Variants in RBFOX1 observed in about 807,000 individuals in gnomAD.
The protein encoded by RBFOX1 is RNA binding fox-1 homolog 1.
In RBFOX1, 8 loss-of-function variants were observed where a neutral mutation model predicts 57.7. The ratio of observed to expected loss-of-function variants is 0.14; its 90% CI spans 0.08 to 0.25. RBFOX1 has a LOEUF of 0.25. RBFOX1 is among the 10% of genes least tolerant of loss of function. The pLI is 1.00. For synonymous variants in RBFOX1, 326 were observed against 222.4 expected (o/e 1.47, Z -4.15); for missense variants, 611 against 548.5 (o/e 1.11, Z -1.14).
chr16:6,569,249 C>G (rs759629317), intron 2 of RBFOX1, among the ~76,000 whole-genome samples: 2 of 152,190 alleles, frequency 1.3e-5, no homozygotes, highest in African/African-American at 4.8e-5. Context: ...AAATTACTCC[C>G]AAAGTTAGCC....
chr16:6,957,396 A>G (rs1179307830), intron 3 of RBFOX1, among the ~76,000 whole-genome samples: 2 of 148,826 alleles, frequency 1.3e-5, no homozygotes, highest in Non-Finnish European at 2.9e-5. Flanking sequence ...GCTGCGACTC[A>G]CGCTCAGCCG....
intron 12 of RBFOX1, among the ~76,000 whole-genome samples, chr16:7,662,079 G>A (rs1367514645): frequency 6.6e-6 from 1 of 152,128 alleles, no homozygotes; most frequent in East Asian, 1.9e-4. Flanking sequence ...CCATATCAAA[G>A]AACCCCAACT....
At chr16:6,010,918 G>A (rs2094957567) in intron 4 of RBFOX1, among the ~76,000 whole-genome samples, 1 of 152,132 alleles carries the variant, frequency 6.6e-6, no homozygotes, top group African/African-American at 2.4e-5. Flanking sequence ...AAATGTACAA[G>A]TGGAAGCACA....
intron 4 of RBFOX1, among the ~76,000 whole-genome samples, chr16:5,890,781 C>T (rs1246326211): frequency 6.6e-6 from 1 of 151,100 alleles, no homozygotes; most frequent in African/African-American, 2.4e-5. Context: ...GCTTTAGATC[C>T]TACACCATAT....
chr16:5,744,543 G>A (rs1288886696), intron 3 of RBFOX1, among the ~76,000 whole-genome samples: 4 of 152,240 alleles, frequency 2.6e-5, no homozygotes, highest in Middle Eastern at 3.4e-3. Flanking sequence ...TTGCACTGAT[G>A]ACTTGAAATT....
intron 1 of RBFOX1, among the ~76,000 whole-genome samples, chr16:5,433,160 C>T (rs146778414): frequency 3.3e-5 from 5 of 152,270 alleles, no homozygotes; most frequent in East Asian, 3.9e-4. Context: ...TGGGATTACA[C>T]GTGTGAGCCG....
At chr16:6,228,864 A>C (rs2097436704) in intron 1 of RBFOX1, among the ~76,000 whole-genome samples, 1 of 152,230 alleles carries the variant, frequency 6.6e-6, no homozygotes, top group Non-Finnish European at 1.5e-5. Flanking sequence ...TAGCCATTCC[A>C]CATGTATACA....
intron 4 of RBFOX1, among the ~76,000 whole-genome samples, chr16:7,153,698 T>A (rs8057525): frequency 2.1e-5 from 3 of 145,380 alleles, no homozygotes; most frequent in South Asian, 4.5e-4. Context: ...TGCATTGAAC[T>A]CTAGCCTGGT....
At chr16:6,350,581 T>C (rs2086191118) in intron 2 of RBFOX1, among the ~76,000 whole-genome samples, 1 of 150,568 alleles carries the variant, frequency 6.6e-6, no homozygotes, top group Non-Finnish European at 1.5e-5. Context: ...ACTAAGGTGA[T>C]GCCTGAATGC....
chr16:6,515,088 A>G (rs2096347133), intron 2 of RBFOX1, among the ~76,000 whole-genome samples: 1 of 152,176 alleles, frequency 6.6e-6, no homozygotes, highest in African/African-American at 2.4e-5. Flanking sequence ...GAAGGAAAGG[A>G]GAGAAGGAGA....
At chr16:5,803,353 T>A (rs540055825) in intron 3 of RBFOX1, among the ~76,000 whole-genome samples, 1 of 151,996 alleles carries the variant, frequency 6.6e-6, no homozygotes, top group Non-Finnish European at 1.5e-5. Flanking sequence ...ATTGGAAGAG[T>A]GGTAGAGAGA....
chr16:6,816,038 C>T (rs2089990345), intron 3 of RBFOX1, among the ~76,000 whole-genome samples: 1 of 152,246 alleles, frequency 6.6e-6, no homozygotes, highest in Admixed American at 6.5e-5. Flanking sequence ...CGGCCAGGAG[C>T]AATGGCTCAT....
intron 4 of RBFOX1, among the ~76,000 whole-genome samples, chr16:7,359,045 C>G (rs1316528616): frequency 3.3e-5 from 5 of 152,152 alleles, no homozygotes; most frequent in Non-Finnish European, 2.9e-5. Context: ...TTCCTTCAAC[C>G]TTGACTCACT....
At chr16:7,163,492 C>T (rs1452572220) in intron 4 of RBFOX1, among the ~76,000 whole-genome samples, 1 of 152,122 alleles carries the variant, frequency 6.6e-6, no homozygotes, top group Non-Finnish European at 1.5e-5. Context: ...CCATTCTCTC[C>T]TTTGGTCCTT....
intron 4 of RBFOX1, among the ~76,000 whole-genome samples, chr16:7,082,620 ATCAAG>A (rs2059378579): frequency 6.6e-6 from 1 of 152,200 alleles, no homozygotes; most frequent in Non-Finnish European, 1.5e-5. Context: ...AGTTGAGTTT[ATCAAG>A]TCATTTTTCA....
At chr16:6,711,007 C>A (rs117462721) in intron 3 of RBFOX1, among the ~76,000 whole-genome samples, 1 of 152,196 alleles carries the variant, frequency 6.6e-6, no homozygotes, top group African/African-American at 2.4e-5. Context: ...TGGCACATAC[C>A]CATTGCAAGT....
At chr16:7,452,005 A>T (rs909531063) in intron 4 of RBFOX1, among the ~76,000 whole-genome samples, 6 of 152,236 alleles carry the variant, frequency 3.9e-5, no homozygotes, top group African/African-American at 1.4e-4. Context: ...TAGTACGACC[A>T]AAGAGAAAGA....
intron 2 of RBFOX1, among the ~76,000 whole-genome samples, chr16:5,500,520 C>G (rs1035371035): frequency 6.6e-6 from 1 of 152,156 alleles, no homozygotes; most frequent in African/African-American, 2.4e-5. Flanking sequence ...TCATGCCTGG[C>G]CGAGTATCAG....
At chr16:6,406,307 C>A (rs1305905175) in intron 2 of RBFOX1, among the ~76,000 whole-genome samples, 1 of 150,670 alleles carries the variant, frequency 6.6e-6, no homozygotes, top group African/African-American at 2.4e-5. Flanking sequence ...GCAGTGGTCC[C>A]TTCCTATAAT....
Sources: allele counts gnomAD v4.1 joint callset (sites outside exome capture counted in the v4.1 genomes callset), GRCh38; gene constraint gnomAD v4.1.1; transcripts MANE v1.5; gene names NCBI Gene and HGNC (gene_info 2026-07-23, HGNC 2026-07-21).